The following RANBP17 variants were observed in gnomAD, a reference collection of about 807,000 sequenced individuals.
RANBP17 encodes the protein RAN binding protein 17, also known as ran-binding protein 17.
RANBP17 carries 158 observed loss-of-function variants against 141.2 expected under a neutral mutation model. The ratio of observed to expected loss-of-function variants is 1.12; its 90% CI spans 0.98 to 1.28. The LOEUF (loss-of-function observed/expected upper bound fraction) is 1.28, where lower values mean the gene tolerates loss of function less well. RANBP17 is among the 50% of genes most tolerant of loss of function. RANBP17 has a pLI of 0.00. For missense variants in RANBP17, 1,438 were observed against 1,290.7 expected (o/e 1.11, Z -1.75); for synonymous variants, 430 against 450.0 (o/e 0.96, Z 0.56).
At chr5:170,957,105 A>ACGCG (rs1775779797) in intron 13 of RANBP17, among the ~76,000 whole-genome samples, 2 of 150,688 alleles carry the variant, frequency 1.3e-5, no homozygotes, top group African/African-American at 4.9e-5. Flanking sequence ...ACACACACAC[A>ACGCG]CACGCGCACA....
chr5:171,132,892 CT>C (rs953243330), intron 14 of RANBP17, among the ~76,000 whole-genome samples: 8 of 148,822 alleles, frequency 5.4e-5, no homozygotes, highest in East Asian at 2.0e-4. Context: ...GAATGTTTGT[CT>C]TTTTTTTTTG....
At chr5:171,242,034 G>C (rs1016488795) in intron 23 of RANBP17, among the ~76,000 whole-genome samples, 4 of 150,482 alleles carry the variant, frequency 2.7e-5, no homozygotes, top group Non-Finnish European at 5.9e-5. Context: ...GTGTTGCCCA[G>C]CCTGTTCTTA....
chr5:171,218,250 A>G (rs1763343385), intron 21 of RANBP17, among the ~76,000 whole-genome samples: 1 of 152,174 alleles, frequency 6.6e-6, no homozygotes, highest in African/African-American at 2.4e-5. Flanking sequence ...CTGTGGTCTG[A>G]GAGACAGTTT....
At chr5:170,989,961 T>C (rs1351722878) in intron 14 of RANBP17, among the ~76,000 whole-genome samples, 1 of 151,772 alleles carries the variant, frequency 6.6e-6, no homozygotes, top group Non-Finnish European at 1.5e-5. Context: ...ACTAAAACAA[T>C]GAGCATGTAT....
intron 26 of RANBP17, among the ~76,000 whole-genome samples, chr5:171,295,056 A>G (rs530300034): frequency 1.8e-4 from 28 of 152,340 alleles, no homozygotes; most frequent in African/African-American, 6.5e-4. Flanking sequence ...TAGTCTGACT[A>G]CATATTAATT....
At chr5:171,068,302 T>C (rs1784428994) in intron 14 of RANBP17, among the ~76,000 whole-genome samples, 1 of 152,222 alleles carries the variant, frequency 6.6e-6, no homozygotes, top group African/African-American at 2.4e-5. Flanking sequence ...TGTTCACACA[T>C]TGTTCTCCTG....
chr5:171,160,137 A>G (rs1391370530), intron 14 of RANBP17, among the ~76,000 whole-genome samples: 5 of 152,166 alleles, frequency 3.3e-5, no homozygotes, highest in Admixed American at 1.3e-4. Context: ...GGTGATGCAG[A>G]TAAGTTCTTG....
chr5:171,025,782 C>G (rs1781197117), intron 14 of RANBP17, among the ~76,000 whole-genome samples: 1 of 151,918 alleles, frequency 6.6e-6, no homozygotes, highest in South Asian at 2.1e-4. Flanking sequence ...AAGACAAGAT[C>G]TTGCTATGTT....
At chr5:171,095,793 C>T (rs1249376966) in intron 14 of RANBP17, among the ~76,000 whole-genome samples, 5 of 152,064 alleles carry the variant, frequency 3.3e-5, no homozygotes, top group Admixed American at 6.6e-5. Context: ...AAAATCTGAG[C>T]GTAACTTTAG....
At chr5:170,875,254 C>T (rs1008856401) in intron 1 of RANBP17, among the ~76,000 whole-genome samples, 3 of 152,042 alleles carry the variant, frequency 2.0e-5, no homozygotes, top group Non-Finnish European at 4.4e-5. Context: ...TCCTGCTGCT[C>T]TTTATGTTTT....
rs141524609 is a variant in RANBP17, at chr5:171,042,517, A to G, written c.1710+74140A>G. Among the ~76,000 whole-genome samples, 294 of 152,206 alleles carry G rather than the reference A, an allele frequency of 1.9e-3. 1 individual carries two copies. Among genetic ancestry groups the G allele is most frequent in the African/African-American group, 6.2e-3 (257 of 41,536 alleles). ...TAGGGAAATATATGTGGTGAAAGAGATGATTAATTAATGCTGGTGTGTTGT... is the reference window on the plus strand; with the variant it reads ...TAGGGAAATATATGTGGTGAAAGAGGTGATTAATTAATGCTGGTGTGTTGT... On this transcript the variant is annotated intron_variant, in intron 14 of 27. Transcript: ENST00000523189.
intron 14 of RANBP17, among the ~76,000 whole-genome samples, chr5:171,058,548 A>C (rs1783571357): frequency 6.6e-6 from 1 of 151,184 alleles, no homozygotes; most frequent in Admixed American, 6.6e-5. Flanking sequence ...CATTTTCTTA[A>C]TCCAGTCTAT....
intron 14 of RANBP17, among the ~76,000 whole-genome samples, chr5:171,064,543 C>CTG (rs1784172592): frequency 6.6e-6 from 1 of 152,150 alleles, no homozygotes; most frequent in South Asian, 2.1e-4. Flanking sequence ...GTTGCCCAGG[C>CTG]TGTAGTACAG....
At chr5:170,965,612 T>C (rs1272282098) in intron 13 of RANBP17, among the ~76,000 whole-genome samples, 5 of 151,882 alleles carry the variant, frequency 3.3e-5, no homozygotes, top group African/African-American at 9.7e-5. Flanking sequence ...CAGCTTTCTA[T>C]ATATGGCTAG....
At chr5:170,981,563 T>G (rs963524295) in intron 14 of RANBP17, among the ~76,000 whole-genome samples, 24 of 149,014 alleles carry the variant, frequency 1.6e-4, no homozygotes, top group East Asian at 3.9e-4. Flanking sequence ...CAGGCTCTCA[T>G]TTTTTTTTTT....
In RANBP17 at chr5:171,161,059, T is replaced by G. The variant is rs774425545; in HGVS notation, c.1711-9071T>G. 3.5e-4 allele frequency among the ~76,000 whole-genome samples: 54 copies of G among 152,214 alleles called. 1 individual carries two copies. Among genetic ancestry groups the G allele is most frequent in the Non-Finnish European group, 5.3e-4 (36 of 68,036 alleles). ...CACCCATCTCGGCCTCCTAAAGTGC[T>G]GGGATTACAGGCGTGAGCCACCGCG... On this transcript the variant is annotated intron_variant, in intron 14 of 27. Coordinates refer to ENST00000523189, the MANE Select transcript of RANBP17 (RefSeq NM_022897.5).
intron 21 of RANBP17, among the ~76,000 whole-genome samples, chr5:171,215,550 G>A (rs1763163977): frequency 1.3e-5 from 2 of 152,066 alleles, no homozygotes; most frequent in African/African-American, 4.8e-5. Flanking sequence ...TTTCTCCACA[G>A]CCTGACCAGC....
At chr5:171,218,786 G>T (rs764581501) in intron 21 of RANBP17, among the ~76,000 whole-genome samples, 1 of 149,496 alleles carries the variant, frequency 6.7e-6, no homozygotes. Flanking sequence ...TTTCGAGCCT[G>T]TCTGTGTTTT....
intron 25 of RANBP17, among the ~76,000 whole-genome samples, chr5:171,288,669 A>C (rs1330731498): frequency 6.6e-6 from 1 of 152,246 alleles, no homozygotes; most frequent in African/African-American, 2.4e-5. Context: ...GTTGAGAATT[A>C]GAGATGATGT....
Sources: gnomAD v4.1 joint callset for allele counts (sites outside exome capture counted in the v4.1 genomes callset) on GRCh38, gnomAD v4.1.1 for gene constraint, MANE v1.5 for transcripts, NCBI Gene and HGNC (gene_info 2026-07-23, HGNC 2026-07-21) for gene names.